SPTA1: variants seen among roughly 807,000 people sequenced by gnomAD.
SPTA1 encodes spectrin alpha, erythrocytic 1, also known as spectrin alpha chain, erythrocytic 1.
SPTA1 carries 177 observed loss-of-function variants against 324.7 expected under a neutral mutation model. The ratio of observed to expected loss-of-function variants is 0.55; its 90% CI spans 0.48 to 0.62. The LOEUF (loss-of-function observed/expected upper bound fraction) is 0.62, where lower values mean the gene tolerates loss of function less well. SPTA1 is among the 20% of genes least tolerant of loss of function. The pLI is 0.00. For synonymous variants in SPTA1, 1,195 were observed against 1,041.3 expected (o/e 1.15, Z -2.84); for missense variants, 3,162 against 2,883.6 (o/e 1.10, Z -2.21).
intron 33 of SPTA1, among the ~76,000 whole-genome samples, chr1:158,640,869 G>A (rs1322634981): frequency 3.3e-5 from 5 of 152,128 alleles, no homozygotes; most frequent in African/African-American, 1.2e-4. Flanking sequence ...TAAGGCAAAA[G>A]AACAAAGCTG....
In SPTA1 at chr1:158,654,738, G is replaced by T. The variant is rs35948326; in HGVS notation, c.2909C>A (p.Ala970Asp). The T allele has an allele frequency of 0.041, 66,687 of 1,613,594 alleles. 1,587 individuals are homozygous for T. The highest frequency in any genetic ancestry group is 0.048 in the Non-Finnish European group (57,047 of 1,179,910). ...TCCAGCAACTCCCTCCACTGGTGCAGCCTGTTGTTGCTGAATAAAAACAGG... is the reference window on the plus strand; with the variant it reads ...TCCAGCAACTCCCTCCACTGGTGCATCCTGTTGTTGCTGAATAAAAACAGG... ...NQANACQQQQ[A>D]APVEGVAGEQ... Residue 970 changes from alanine (A) to aspartate (D), a missense_variant, in exon 21 of 52, where the codon GCT becomes GAT. By Grantham distance (126) the Ala-to-Asp change is moderately radical (BLOSUM62 -2). Transcript: ENST00000643759.
chr1:158,677,570 T>G lies in SPTA1; in HGVS notation c.957+120A>C, dbSNP rs564182530. Reference sequence around the variant, plus strand: ...AGAAGCGTATTCAAGTGCACACAATTTCTTCTTCATTGAAAACAGTGAACT... The same window carrying G: ...AGAAGCGTATTCAAGTGCACACAATGTCTTCTTCATTGAAAACAGTGAACT... On this transcript the variant is annotated intron_variant, in intron 7 of 51. Coordinates refer to ENST00000643759, the MANE Select transcript of SPTA1 (RefSeq NM_003126.4). The G allele has an allele frequency of 4.4e-5, 54 of 1,236,772 alleles. No homozygotes were observed. In the African/African-American group the frequency reaches 6.4e-4, roughly 15 times the overall value. 76.6% of individuals were successfully genotyped at this position (1,236,772 alleles called of 1,614,324 possible).
intron 33 of SPTA1, among the ~76,000 whole-genome samples, chr1:158,640,923 A>G (rs1651509965): frequency 6.6e-6 from 1 of 152,236 alleles, no homozygotes; most frequent in Admixed American, 6.5e-5. Flanking sequence ...ACAAGGCTAC[A>G]GTAACCAAAA....
At chr1:158,643,104 TA>T (rs1366782261) in intron 31 of SPTA1, 128 bp from the exon 32 acceptor site, 4 of 1,371,590 alleles carry the variant, frequency 2.9e-6, no homozygotes, top group Non-Finnish European at 4.0e-6. Context: ...ATTTTCATTA[TA>T]AAATGCAGTG....
chr1:158,686,674 T>G lies in SPTA1; in HGVS notation c.-157A>C. On this transcript the variant is annotated 5_prime_UTR_variant, in exon 1 of 52. Transcript: ENST00000643759. Reference sequence around the variant, plus strand: ...AAAAACCTCTTGCTTGGTCCTAGAATCCCATCAGCCATACACAATCGACAT... The same window carrying G: ...AAAAACCTCTTGCTTGGTCCTAGAAGCCCATCAGCCATACACAATCGACAT... 1.6e-6 allele frequency: 1 copy of G among 634,480 alleles called. No homozygotes were observed. Among genetic ancestry groups the G allele is most frequent in the Non-Finnish European group, 2.8e-6 (1 of 357,902 alleles). 39.3% of individuals were successfully genotyped at this position (634,480 alleles called of 1,614,324 possible).
chr1:158,642,198 T>C (rs1344962594), intron 33 of SPTA1, among the ~76,000 whole-genome samples: 1 of 151,948 alleles, frequency 6.6e-6, no homozygotes, highest in Non-Finnish European at 1.5e-5. Flanking sequence ...TTAGGAGATA[T>C]ACCTAATGCT....
In SPTA1 at chr1:158,622,648, G is replaced by A. The variant is rs1346534426; in HGVS notation, c.6120+335C>T. 1.2e-4 allele frequency: 37 copies of A among 302,444 alleles called. 1 individual carries two copies. In the Admixed American group the frequency reaches 1.5e-3, roughly 12 times the overall value. The allele number at this position is 302,444 out of a possible 1,614,324, so 18.7% of individuals were successfully genotyped here. A position where few individuals can be genotyped will look rare whatever the true frequency, so the allele number is the denominator to read the frequency against. On this transcript the variant is annotated intron_variant, in intron 43 of 51. Coordinates refer to ENST00000643759, the MANE Select transcript of SPTA1 (RefSeq NM_003126.4). ...CTTGTCCAGTGCTCCTTTTATTTGG[G>A]TTAGGAAAAGTACAGGGACAACCTT...
intron 42 of SPTA1, among the ~76,000 whole-genome samples, chr1:158,625,357 T>C (rs966991225): frequency 6.6e-6 from 1 of 152,178 alleles, no homozygotes; most frequent in African/African-American, 2.4e-5. Context: ...ACACATCTTT[T>C]AGCCTATCCT....
At position 158,666,360 on chromosome 1, in the gene SPTA1, G is replaced by C. The variant is rs543365746; in HGVS notation, c.2176C>G (p.Leu726Val). The change falls in exon 16 of 52, where the codon CTC becomes GTC. Residue 726 changes from leucine (L) to valine (V), a missense_variant. Transcript: ENST00000643759. ...GACTCCAGGAGGCCGTGTTTCCTGAGTCGATTCTGTACCTCGGCCAGGCCT... is the reference window on the plus strand; with the variant it reads ...GACTCCAGGAGGCCGTGTTTCCTGACTCGATTCTGTACCTCGGCCAGGCCT... ...GKGLAEVQNRLRKHGLLESAV... is the reference protein window; with the variant it reads ...GKGLAEVQNRVRKHGLLESAV... 9.3e-6 allele frequency: 15 copies of C among 1,613,926 alleles called. No homozygotes were observed. In the East Asian group the frequency reaches 3.3e-4, roughly 36 times the overall value.
At chr1:158,655,720 T>C (rs925033121) in intron 20 of SPTA1, among the ~76,000 whole-genome samples, 12 of 152,214 alleles carry the variant, frequency 7.9e-5, no homozygotes, top group African/African-American at 2.9e-4. Context: ...TCTTTTTTTC[T>C]ACCACTACAT....
chr1:158,679,274 C>T (rs942551994), intron 5 of SPTA1, among the ~76,000 whole-genome samples: 4 of 152,038 alleles, frequency 2.6e-5, no homozygotes, highest in African/African-American at 7.2e-5. Flanking sequence ...AGGCCCCACT[C>T]GAGAGCACAG....
At chr1:158,617,784 A>T (rs950686981) in intron 46 of SPTA1, among the ~76,000 whole-genome samples, 196 bp from the exon 47 acceptor site, 1 of 152,190 alleles carries the variant, frequency 6.6e-6, no homozygotes, top group African/African-American at 2.4e-5. Flanking sequence ...TTCTTCTCTG[A>T]CTAGGAGAAG....
intron 43 of SPTA1, 185 bp downstream of exon 43, chr1:158,622,798 T>TA: frequency 8.3e-6 from 5 of 602,220 alleles, no homozygotes; most frequent in Non-Finnish European, 1.2e-5. Context: ...TCAATCAATC[T>TA]AAAAAAAATT....
chr1:158,674,587 C>A lies in SPTA1; in HGVS notation c.1201G>T (p.Asp401Tyr), dbSNP rs752120566. Residue 401 changes from aspartate to tyrosine, a missense_variant, in exon 9 of 52, where the codon GAT becomes TAT. By Grantham distance (160) the Asp-to-Tyr change is radical. Transcript: ENST00000643759. ...AGCAGAACTTCTCCACCAGCCACAT[C>A]TGTTGGCAGCTCATCAGCATTGATC... ...AAINADELPTDVAGGEVLLDR... is the reference protein window; with the variant it reads ...AAINADELPTYVAGGEVLLDR... The A allele has an allele frequency of 8.7e-6, 14 of 1,614,148 alleles. No individual in the cohort carries two copies. In the South Asian group the frequency reaches 1.5e-4, roughly 18 times the overall value.
Position 158,686,598 on chromosome 1 carries a change from C to T in SPTA1, c.-81G>A. On this transcript the variant is annotated 5_prime_UTR_variant, in exon 1 of 52. An upstream open reading frame in the 5' UTR gains an earlier in-frame stop. Transcript: ENST00000643759. ...GAGAAATAATTCAAATGGAACTGTC[C>T]AGTCGAATTCAAATAGAAATATAGA... The T allele has an allele frequency of 1.8e-6, 2 of 1,092,386 alleles. No homozygotes were observed. Among genetic ancestry groups the T allele is most frequent in the Admixed American group, 3.5e-5 (2 of 56,822 alleles). 67.7% of individuals were successfully genotyped at this position (1,092,386 alleles called of 1,614,324 possible).
intron 22 of SPTA1, 82 bp downstream of exon 22, chr1:158,653,192 G>C: frequency 6.3e-7 from 1 of 1,586,696 alleles, no homozygotes; most frequent in African/African-American, 1.3e-5. Context: ...AAATCTAACA[G>C]ATGCAGGGTC....
At position 158,676,158 on chromosome 1, in the gene SPTA1, T is replaced by C; in HGVS notation, c.1095A>G (p.Lys365=). 6.2e-7 allele frequency: 1 copy of C among 1,613,598 alleles called. No homozygotes were observed. Among genetic ancestry groups the C allele is most frequent in the Non-Finnish European group, 8.5e-7 (1 of 1,179,704 alleles). Residue 365 remains lysine, a synonymous_variant, in exon 8 of 52, where the codon AAA becomes AAG. Coordinates refer to ENST00000643759, the MANE Select transcript of SPTA1 (RefSeq NM_003126.4). ...IRALATSRYE[K]LQATYWYHRF... ...TTTCCCACCAATAAGTAGCCTGCAG[T>C]TTTTCATATCTGCTGGTGGCCAGGG...
At chr1:158,678,961 C>A (rs1465465942) in intron 5 of SPTA1, among the ~76,000 whole-genome samples, 1 of 152,132 alleles carries the variant, frequency 6.6e-6, no homozygotes, top group Non-Finnish European at 1.5e-5. Flanking sequence ...CTTTGAGAAT[C>A]CAATAAAAGC....
chr1:158,669,724 C>T lies in SPTA1; in HGVS notation c.1662G>A (p.Lys554=). The change falls in exon 13 of 52, where the codon AAG becomes AAA. Residue 554 remains lysine (K), a synonymous_variant. Coordinates refer to ENST00000643759, the MANE Select transcript of SPTA1 (RefSeq NM_003126.4). ...GDDHYDSENI[K]AIRDGLLARR... ...TTGGACATACCCCGTCACGGATAGC[C>T]TTGATGTTCTCTGAATCATAATGGT... is the stretch of plus-strand genomic sequence containing the variant. 6.2e-7 allele frequency: 1 copy of T among 1,614,116 alleles called. No individual in the cohort carries two copies. The highest frequency in any genetic ancestry group is 8.5e-7 in the Non-Finnish European group (1 of 1,179,990).
Sources: allele counts gnomAD v4.1 joint callset (sites outside exome capture counted in the v4.1 genomes callset), GRCh38; gene constraint gnomAD v4.1.1; transcripts MANE v1.5; gene names NCBI Gene and HGNC (gene_info 2026-07-23, HGNC 2026-07-21).